TCEA1: variants seen among roughly 807,000 people sequenced by gnomAD.
The protein encoded by TCEA1 is transcription elongation factor A protein 1.
TCEA1 carries 21 observed loss-of-function variants against 43.8 expected under a neutral mutation model. The observed-to-expected ratio is 0.48, with a 90% confidence interval of 0.34 to 0.69. The LOEUF is 0.69. TCEA1 is among the 30% of genes least tolerant of loss of function. The pLI, the probability that TCEA1 is intolerant of heterozygous loss-of-function variation, is 0.01. For missense variants in TCEA1, 250 were observed against 365.1 expected (o/e 0.68, Z 2.57); for synonymous variants, 104 against 117.5 (o/e 0.88, Z 0.75).
intron 8 of TCEA1, chr8:53,974,002 C>CCCA: frequency 1.9e-5 from 3 of 161,474 alleles, no homozygotes; most frequent in Non-Finnish European, 4.0e-5. Flanking sequence ...TGGTGAAACC[C>CCCA]TGTCTCTACT....
At chr8:53,974,894 T>C (rs540076018) in intron 8 of TCEA1, among the ~76,000 whole-genome samples, 59 of 152,180 alleles carry the variant, frequency 3.9e-4, no homozygotes, top group African/African-American at 1.1e-3. Context: ...CTACGCTTGT[T>C]TGTTTAAAGG....
intron 7 of TCEA1, among the ~76,000 whole-genome samples, chr8:53,983,851 C>A (rs994923607): frequency 6.6e-6 from 1 of 152,212 alleles, no homozygotes; most frequent in African/African-American, 2.4e-5. Flanking sequence ...GTAATTCCAA[C>A]ACTTTGGGAG....
intron 8 of TCEA1, among the ~76,000 whole-genome samples, chr8:53,976,419 G>A (rs1803334483): frequency 6.6e-6 from 1 of 152,138 alleles, no homozygotes; most frequent in African/African-American, 2.4e-5. Flanking sequence ...TGCTCTCTGG[G>A]AAAAATTTTA....
At chr8:54,004,501 G>A (rs962381938) in intron 2 of TCEA1, among the ~76,000 whole-genome samples, 1 of 152,152 alleles carries the variant, frequency 6.6e-6, no homozygotes, top group African/African-American at 2.4e-5. Context: ...AAAACATTAA[G>A]CTAAGTGACA....
At chr8:54,003,383 G>C (rs979779952) in intron 2 of TCEA1, among the ~76,000 whole-genome samples, 1 of 152,084 alleles carries the variant, frequency 6.6e-6, no homozygotes, top group African/African-American at 2.4e-5. Flanking sequence ...AGTCCATACA[G>C]AAATGCAAAG....
At chr8:53,974,729 C>T (rs991899579) in intron 8 of TCEA1, among the ~76,000 whole-genome samples, 1 of 151,986 alleles carries the variant, frequency 6.6e-6, no homozygotes, top group Non-Finnish European at 1.5e-5. Flanking sequence ...GGGGTTTCAC[C>T]ATGTTGGCCA....
chr8:53,998,509 T>TAC (rs753232217), intron 3 of TCEA1, among the ~76,000 whole-genome samples: 50 of 152,158 alleles, frequency 3.3e-4, no homozygotes, highest in Admixed American at 9.2e-4. Flanking sequence ...ACAGGATATA[T>TAC]ACACACACAC....
chr8:53,980,780 C>G (rs1803478382), intron 7 of TCEA1, among the ~76,000 whole-genome samples: 1 of 152,160 alleles, frequency 6.6e-6, no homozygotes, highest in African/African-American at 2.4e-5. Context: ...GTCAACATGT[C>G]TCACTTTAAA....
rs1310061404 is a variant in TCEA1, at chr8:53,967,470, C to CAAA, written c.*633_*634insTTT. ...CTTGTTTCCAAAAATCTATTAAGAA[C>CAAA]AAGTAATATACATGTACAAGAAATT... On this transcript the variant is annotated 3_prime_UTR_variant, in exon 10 of 10. Coordinates refer to ENST00000521604, the MANE Select transcript of TCEA1 (RefSeq NM_006756.4). The CAAA allele has an allele frequency of 5.0e-6, 1 of 198,192 alleles. No individual in the cohort carries two copies. The highest frequency in any genetic ancestry group is 2.3e-5 in the African/African-American group (1 of 43,440). The allele number at this position is 198,192 out of a possible 1,614,324, so 12.3% of individuals were successfully genotyped here.
At chr8:53,973,177 C>T (rs1803217691) in intron 8 of TCEA1, 4 of 505,690 alleles carry the variant, frequency 7.9e-6, no homozygotes, top group Non-Finnish European at 1.1e-5. Context: ...GTCAGAAGGA[C>T]GATGAAGAAC....
intron 1 of TCEA1, among the ~76,000 whole-genome samples, chr8:54,020,566 C>T (rs1796038542): frequency 6.6e-6 from 1 of 152,196 alleles, no homozygotes; most frequent in South Asian, 2.1e-4. Context: ...ATGTGGAAAG[C>T]ATGCTGTCCA....
intron 3 of TCEA1, among the ~76,000 whole-genome samples, chr8:53,998,122 C>A (rs186529366): frequency 6.6e-6 from 1 of 152,218 alleles, no homozygotes; most frequent in Admixed American, 6.5e-5. Flanking sequence ...TTTTAAAATA[C>A]ACATTAATGA....
At chr8:54,013,836 C>T (rs543813735) in intron 1 of TCEA1, among the ~76,000 whole-genome samples, 3 of 152,230 alleles carry the variant, frequency 2.0e-5, no homozygotes, top group African/African-American at 7.2e-5. Context: ...AAATACTTCA[C>T]ATAGATTTAA....
At chr8:53,994,067 C>T (rs1803968015) in intron 3 of TCEA1, among the ~76,000 whole-genome samples, 1 of 152,162 alleles carries the variant, frequency 6.6e-6, no homozygotes, top group African/African-American at 2.4e-5. Context: ...AAAATGAAAG[C>T]ACAGGCCGGT....
intron 1 of TCEA1, among the ~76,000 whole-genome samples, chr8:54,014,540 A>C (rs1194341346): frequency 6.6e-6 from 1 of 152,250 alleles, no homozygotes; most frequent in African/African-American, 2.4e-5. Flanking sequence ...ACTCTTCTTT[A>C]ATTTCCAGAG....
intron 3 of TCEA1, among the ~76,000 whole-genome samples, chr8:53,999,471 T>A (rs575290769): frequency 6.6e-6 from 1 of 152,070 alleles, no homozygotes; most frequent in Non-Finnish European, 1.5e-5. Context: ...AAGAGCATGA[T>A]ATATTCAACC....
At chr8:53,986,374 G>C (rs1803688286) in intron 6 of TCEA1, among the ~76,000 whole-genome samples, 1 of 152,150 alleles carries the variant, frequency 6.6e-6, no homozygotes, top group South Asian at 2.1e-4. Flanking sequence ...AGAAACCTCT[G>C]TGGTGTTAAG....
At chr8:53,990,505 G>C (rs952185483) in intron 4 of TCEA1, among the ~76,000 whole-genome samples, 1 of 151,944 alleles carries the variant, frequency 6.6e-6, no homozygotes, top group African/African-American at 2.4e-5. Context: ...GGGACCACAG[G>C]CATGTGCCAT....
chr8:53,980,983 G>A (rs992705241), intron 7 of TCEA1, among the ~76,000 whole-genome samples: 1 of 152,158 alleles, frequency 6.6e-6, no homozygotes, highest in African/African-American at 2.4e-5. Context: ...ATATGAAAAC[G>A]TTTTAGTGGC....
Sources: gnomAD v4.1 joint callset for allele counts (sites outside exome capture counted in the v4.1 genomes callset) on GRCh38, gnomAD v4.1.1 for gene constraint, MANE v1.5 for transcripts, NCBI Gene and HGNC (gene_info 2026-07-23, HGNC 2026-07-21) for gene names.